The following NYAP2 variants were observed in gnomAD, a reference collection of about 807,000 sequenced individuals.
NYAP2 encodes neuronal tyrosine-phosphorylated phosphoinositide-3-kinase adaptor 2, also known as neuronal tyrosine-phosphorylated phosphoinositide-3-kinase adapter 2.
Under a neutral mutation model 50.4 loss-of-function variants are expected in NYAP2, and 23 were observed. That is an observed-to-expected ratio of 0.46 (90% CI 0.33 to 0.65). NYAP2 has a LOEUF of 0.65. Among genes scored for constraint, NYAP2 ranks in the 30% least tolerant of loss-of-function variants. The pLI, the probability that NYAP2 is intolerant of heterozygous loss-of-function variation, is 0.02. For synonymous variants in NYAP2, 394 were observed against 365.2 expected, an observed-to-expected ratio of 1.08 and a Z score of -0.90; for missense variants, 885 against 861.0, an observed-to-expected ratio of 1.03 and a Z score of -0.35.
the NYAP2 span, among the ~76,000 whole-genome samples, chr2:225,691,196 G>A: frequency 0.2 from 30,118 of 151,140 alleles, 3,326 homozygotes; most frequent in African/African-American, 0.3. Flanking sequence ...AGGAGTGAGC[G>A]CTTTTTTTTT....
intron 3 of NYAP2, among the ~76,000 whole-genome samples, chr2:225,469,856 G>C (rs1434462268): frequency 1.3e-5 from 2 of 152,030 alleles, no homozygotes; most frequent in African/African-American, 2.4e-5. Flanking sequence ...GTCGGGGGAT[G>C]GGGGGCTAGG....
At chr2:225,652,663 A>G (rs930575240) in exon 7 of NYAP2, 18 of 152,200 alleles carry the variant, frequency 1.2e-4, no homozygotes, top group African/African-American at 4.3e-4. Context: ...CAATCTTTGC[A>G]TTCATGAAAC....
At chr2:225,687,416 T>G in the NYAP2 span, among the ~76,000 whole-genome samples, 2 of 152,146 alleles carry the variant, frequency 1.3e-5, no homozygotes, top group African/African-American at 4.8e-5. Flanking sequence ...ACTTGCCAAT[T>G]TATCTTAGAA....
chr2:225,702,763 G>T, the NYAP2 span: 1 of 151,546 alleles, frequency 6.6e-6, no homozygotes, highest in African/African-American at 2.4e-5. Context: ...TGGAAAAAAT[G>T]TCTTATTATA....
At chr2:225,467,062 C>T (rs1267277033) in intron 3 of NYAP2, among the ~76,000 whole-genome samples, 1 of 152,140 alleles carries the variant, frequency 6.6e-6, no homozygotes, top group Non-Finnish European at 1.5e-5. Flanking sequence ...TCTTGTGTTC[C>T]TTCTCCCCTT....
At chr2:225,612,510 G>C (rs893183482) in intron 5 of NYAP2, among the ~76,000 whole-genome samples, 1 of 151,994 alleles carries the variant, frequency 6.6e-6, no homozygotes, top group African/African-American at 2.4e-5. Flanking sequence ...GTTTGCTCAG[G>C]CTACCATAAC....
chr2:225,611,198 A>C (rs762802480), intron 5 of NYAP2, among the ~76,000 whole-genome samples: 1 of 152,154 alleles, frequency 6.6e-6, no homozygotes, highest in Non-Finnish European at 1.5e-5. Context: ...CCTAGTTTCC[A>C]GACACTTCCC....
the NYAP2 span, among the ~76,000 whole-genome samples, chr2:225,687,854 C>T: frequency 7.2e-3 from 1,095 of 152,240 alleles, 14 homozygotes; most frequent in African/African-American, 0.025. Flanking sequence ...CGTTTCTGCG[C>T]CCTCTTGAGT....
intron 3 of NYAP2, among the ~76,000 whole-genome samples, chr2:225,478,984 T>C (rs1320066444): frequency 6.6e-6 from 1 of 152,022 alleles, no homozygotes; most frequent in African/African-American, 2.4e-5. Context: ...AATCCAATCA[T>C]TGGGAAAAAA....
intron 4 of NYAP2, among the ~76,000 whole-genome samples, chr2:225,551,311 G>A (rs1427140969): frequency 6.6e-6 from 1 of 152,166 alleles, no homozygotes; most frequent in Non-Finnish European, 1.5e-5. Flanking sequence ...TTGCATATCA[G>A]GTGTGAGCCT....
In NYAP2 at chr2:225,504,414, A is replaced by C. The variant is rs116802336; in HGVS notation, c.222-8957A>C. 4.7e-3 allele frequency among the ~76,000 whole-genome samples: 708 copies of C among 152,256 alleles called. 6 individuals carry two copies. Among genetic ancestry groups the C allele is most frequent in the African/African-American group, 0.016 (681 of 41,522 alleles). On this transcript the variant is annotated intron_variant, in intron 3 of 6. Coordinates refer to ENST00000636099, the Ensembl canonical transcript of NYAP2. ...ATCACACTGGGGATTAGGTTTCAACACATGAATTTGGGGTGGGGGAGCAGG... is the reference window on the plus strand; with the variant it reads ...ATCACACTGGGGATTAGGTTTCAACCCATGAATTTGGGGTGGGGGAGCAGG...
intron 3 of NYAP2, among the ~76,000 whole-genome samples, chr2:225,436,140 T>C (rs1266406532): frequency 6.6e-6 from 1 of 152,206 alleles, no homozygotes; most frequent in African/African-American, 2.4e-5. Flanking sequence ...ACCAGATTAA[T>C]TGGTCAGATC....
At chr2:225,681,199 T>A in the NYAP2 span, among the ~76,000 whole-genome samples, 6 of 152,350 alleles carry the variant, frequency 3.9e-5, no homozygotes, top group East Asian at 9.6e-4. Flanking sequence ...CTGCCATTCC[T>A]GAGAAACTCT....
the NYAP2 span, among the ~76,000 whole-genome samples, chr2:225,676,001 TG>T: frequency 0.02 from 3,045 of 152,224 alleles, 103 homozygotes; most frequent in African/African-American, 0.068. Context: ...TTTTTGCTTT[TG>T]TTTTTGTTTT....
chr2:225,676,453 T>C, the NYAP2 span, among the ~76,000 whole-genome samples: 2 of 152,122 alleles, frequency 1.3e-5, no homozygotes, highest in East Asian at 1.9e-4. Flanking sequence ...GAAGATTATA[T>C]GGTTGTAGAC....
chr2:225,535,189 T>C (rs1691326075), intron 4 of NYAP2, among the ~76,000 whole-genome samples: 1 of 152,170 alleles, frequency 6.6e-6, no homozygotes, highest in African/African-American at 2.4e-5. Flanking sequence ...GCCAGTGAGA[T>C]ACAGGAACCA....
At chr2:225,620,678 C>T (rs1693083476) in intron 5 of NYAP2, among the ~76,000 whole-genome samples, 1 of 152,112 alleles carries the variant, frequency 6.6e-6, no homozygotes, top group Non-Finnish European at 1.5e-5. Context: ...TCTCTAAATA[C>T]ACCTGCCTAA....
At chr2:225,468,869 T>G (rs1689967040) in intron 3 of NYAP2, among the ~76,000 whole-genome samples, 1 of 152,226 alleles carries the variant, frequency 6.6e-6, no homozygotes, top group Admixed American at 6.5e-5. Flanking sequence ...GTTTGGACTA[T>G]TTATTTGAAT....
chr2:225,403,875 C>T (rs934286678), intron 2 of NYAP2, among the ~76,000 whole-genome samples: 1 of 151,922 alleles, frequency 6.6e-6, no homozygotes, highest in African/African-American at 2.4e-5. Context: ...CTAGTCAGTC[C>T]TTATAGAGCT....
Sources: allele counts gnomAD v4.1 joint callset (sites outside exome capture counted in the v4.1 genomes callset), GRCh38; gene constraint gnomAD v4.1.1; transcripts MANE v1.5; gene names NCBI Gene and HGNC (gene_info 2026-07-23, HGNC 2026-07-21).